TOM1L2: variants seen among roughly 807,000 people sequenced by gnomAD.
The protein encoded by TOM1L2 is target of myb1 like 2 membrane trafficking protein.
A neutral mutation model predicts 67.9 loss-of-function variants in TOM1L2; 31 were observed. That is an observed-to-expected ratio of 0.46 (90% CI 0.34 to 0.62). The LOEUF (loss-of-function observed/expected upper bound fraction) is 0.62. Among genes scored for constraint, TOM1L2 ranks in the 20% least tolerant of loss-of-function variants. TOM1L2 has a pLI of 0.01. For synonymous variants in TOM1L2, 256 were observed against 254.0 expected (o/e 1.01, Z -0.07); for missense variants, 606 against 663.5 (o/e 0.91, Z 0.95).
At chr17:17,941,706 T>A (rs1198247625) in intron 1 of TOM1L2, among the ~76,000 whole-genome samples, 1 of 152,192 alleles carries the variant, frequency 6.6e-6, no homozygotes, top group East Asian at 1.9e-4. Context: ...TATCTTCCAA[T>A]GATCCATTCT....
intron 1 of TOM1L2, among the ~76,000 whole-genome samples, chr17:17,920,793 C>G (rs936772278): frequency 6.6e-6 from 1 of 151,118 alleles, no homozygotes; most frequent in Non-Finnish European, 1.5e-5. Context: ...CGCCACCATG[C>G]CCAGCTAATT....
chr17:17,946,376 C>A (rs1181727362), intron 1 of TOM1L2, among the ~76,000 whole-genome samples: 2 of 152,142 alleles, frequency 1.3e-5, no homozygotes, highest in African/African-American at 2.4e-5. Flanking sequence ...CCCATTCCCC[C>A]TCTCCCAGCC....
At chr17:17,967,995 C>A (rs908324416) in intron 1 of TOM1L2, among the ~76,000 whole-genome samples, 3 of 152,250 alleles carry the variant, frequency 2.0e-5, no homozygotes, top group Admixed American at 2.0e-4. Flanking sequence ...GCACAGTTAA[C>A]TATGTCAGAC....
chr17:17,866,087 C>T (rs934655574), intron 10 of TOM1L2, among the ~76,000 whole-genome samples: 9 of 152,032 alleles, frequency 5.9e-5, no homozygotes, highest in African/African-American at 2.2e-4. Flanking sequence ...CCCTGCTTTC[C>T]AACATAGATT....
intron 12 of TOM1L2, among the ~76,000 whole-genome samples, chr17:17,857,613 G>A (rs187065346): frequency 6.6e-5 from 10 of 152,222 alleles, no homozygotes; most frequent in Admixed American, 5.2e-4. Flanking sequence ...TGCAAAAATA[G>A]GAGGGGAAAT....
chr17:17,908,283 A>G (rs2039185937), intron 1 of TOM1L2, among the ~76,000 whole-genome samples: 1 of 152,230 alleles, frequency 6.6e-6, no homozygotes, highest in Non-Finnish European at 1.5e-5. Context: ...CCTTTATCTT[A>G]CACCATATAC....
intron 1 of TOM1L2, among the ~76,000 whole-genome samples, chr17:17,956,984 G>A (rs557686991): frequency 3.9e-5 from 6 of 152,330 alleles, no homozygotes; most frequent in South Asian, 2.1e-4. Context: ...CTGAGGAGGC[G>A]CCTGAGAGCG....
At chr17:17,938,766 G>GTT (rs372811565) in intron 1 of TOM1L2, among the ~76,000 whole-genome samples, 4,683 of 144,942 alleles carry the variant, frequency 0.032, 94 homozygotes, top group South Asian at 0.058. Flanking sequence ...GGTTGAAAGG[G>GTT]TTTTTTTTTT....
intron 7 of TOM1L2, among the ~76,000 whole-genome samples, chr17:17,873,963 T>A (rs1232777759): frequency 1.3e-5 from 2 of 152,094 alleles, no homozygotes; most frequent in African/African-American, 2.4e-5. Flanking sequence ...TACTTATTTT[T>A]TTTTTTTTTT....
intron 6 of TOM1L2, among the ~76,000 whole-genome samples, chr17:17,881,379 C>G (rs936549178): frequency 6.6e-6 from 1 of 152,168 alleles, no homozygotes; most frequent in African/African-American, 2.4e-5. Flanking sequence ...TGCCTCAGGG[C>G]TCCTGTGCTA....
At chr17:17,945,792 T>G (rs2040922789) in intron 1 of TOM1L2, among the ~76,000 whole-genome samples, 2 of 152,158 alleles carry the variant, frequency 1.3e-5, no homozygotes, top group South Asian at 4.1e-4. Context: ...TATAGAAAAC[T>G]GGAAGAAAAA....
intron 1 of TOM1L2, among the ~76,000 whole-genome samples, chr17:17,956,024 T>C (rs887912028): frequency 1.3e-5 from 2 of 152,216 alleles, no homozygotes; most frequent in Non-Finnish European, 2.9e-5. Flanking sequence ...CAGCCAGTGT[T>C]ACAGCTCATA....
At position 17,956,817 on chromosome 17, in the gene TOM1L2, C is replaced by T. The variant is rs117368055; in HGVS notation, c.52+15445G>A. On this transcript the variant is annotated intron_variant, in intron 1 of 14. Coordinates refer to ENST00000379504, the MANE Select transcript of TOM1L2 (RefSeq NM_001082968.2). ...CCCAGAACTCGCGCTGGCCCGCAAG[C>T]GCCACGCGCAGCCCGGTTCCCGCCC... 1.8e-3 allele frequency among the ~76,000 whole-genome samples: 274 copies of T among 152,346 alleles called. 4 individuals are homozygous for T. In the East Asian group the frequency reaches 0.051, roughly 28 times the overall value.
At chr17:17,917,997 ATATATT>A (rs1435700894) in intron 1 of TOM1L2, among the ~76,000 whole-genome samples, 2 of 152,018 alleles carry the variant, frequency 1.3e-5, no homozygotes, top group African/African-American at 4.8e-5. Flanking sequence ...ATGTTTTTCC[ATATATT>A]TATGTCTTCT....
intron 1 of TOM1L2, among the ~76,000 whole-genome samples, chr17:17,956,661 G>A (rs535508883): frequency 2.4e-4 from 36 of 152,346 alleles, no homozygotes; most frequent in African/African-American, 5.3e-4. Context: ...GAGACCCGGC[G>A]AGAATTCCAG....
Position 17,847,445 on chromosome 17 carries a change from C to T in TOM1L2, c.*190G>A. 1.4e-6 allele frequency: 1 copy of T among 694,146 alleles called. No individual in the cohort carries two copies. The highest frequency in any genetic ancestry group is 2.3e-6 in the Non-Finnish European group (1 of 429,692). 43.0% of individuals were successfully genotyped at this position (694,146 alleles called of 1,614,324 possible). ...GAGTCTCTGGCTGCAGTTGTCCCAC[C>T]ACTCAGAGAAAAGAAGTGGCTGAAG... On this transcript the variant is annotated 3_prime_UTR_variant, in exon 15 of 15. Coordinates refer to ENST00000379504, the MANE Select transcript of TOM1L2 (RefSeq NM_001082968.2).
At chr17:17,920,629 C>A (rs950936334) in intron 1 of TOM1L2, among the ~76,000 whole-genome samples, 2 of 148,146 alleles carry the variant, frequency 1.4e-5, no homozygotes, top group African/African-American at 2.5e-5. Context: ...TGAGCCACTG[C>A]GCCCGGCTTT....
chr17:17,910,575 A>ATTATTT (rs1259661254), intron 1 of TOM1L2, among the ~76,000 whole-genome samples: 20 of 151,906 alleles, frequency 1.3e-4, no homozygotes, highest in African/African-American at 4.8e-4. Flanking sequence ...TATTATTATT[A>ATTATTT]TTATTTTTAT....
intron 1 of TOM1L2, among the ~76,000 whole-genome samples, chr17:17,941,718 A>G (rs891052240): frequency 4.6e-5 from 7 of 152,208 alleles, no homozygotes; most frequent in African/African-American, 1.7e-4. Context: ...ATCCATTCTT[A>G]GCAATTTTAC....
Sources: gnomAD v4.1 joint callset for allele counts (sites outside exome capture counted in the v4.1 genomes callset) on GRCh38, gnomAD v4.1.1 for gene constraint, MANE v1.5 for transcripts, NCBI Gene and HGNC (gene_info 2026-07-23, HGNC 2026-07-21) for gene names.